The following TOX3 variants were observed in gnomAD, a reference collection of about 807,000 sequenced individuals.
The protein encoded by TOX3 is CAG trinucleotide repeat-containing gene F9 protein.
A neutral mutation model predicts 64.3 loss-of-function variants in TOX3; 22 were observed. That is an observed-to-expected ratio of 0.34 (90% CI 0.24 to 0.49). TOX3 has a LOEUF of 0.49. TOX3 is among the 20% of genes least tolerant of loss of function. TOX3 has a pLI of 0.99. For missense variants in TOX3, 661 were observed against 714.4 expected (o/e 0.93, Z 0.85); for synonymous variants, 291 against 273.6 (o/e 1.06, Z -0.63).
intron 5 of TOX3, 162 bp downstream of exon 5, chr16:52,445,832 T>A: frequency 1.5e-6 from 1 of 667,180 alleles, no homozygotes; most frequent in Non-Finnish European, 2.5e-6. Flanking sequence ...ACTGGAGAGT[T>A]GTTTAGATTT....
chr16:52,526,531 G>A (rs529440835), intron 1 of TOX3, among the ~76,000 whole-genome samples: 17 of 144,100 alleles, frequency 1.2e-4, no homozygotes, highest in African/African-American at 2.6e-4. Flanking sequence ...CCTTGAAATC[G>A]TTGGTCGGCA....
intron 1 of TOX3, among the ~76,000 whole-genome samples, chr16:52,509,340 G>T (rs1962241266): frequency 6.6e-6 from 1 of 152,134 alleles, no homozygotes; most frequent in African/African-American, 2.4e-5. Context: ...AAGTCTGTCA[G>T]TGTGCACTGT....
intron 3 of TOX3, among the ~76,000 whole-genome samples, chr16:52,463,479 C>CT (rs1024117426): frequency 7.2e-5 from 11 of 152,128 alleles, no homozygotes; most frequent in African/African-American, 1.7e-4. Flanking sequence ...TACTTTTTCC[C>CT]TTTTTTGGTA....
chr16:52,494,975 G>A (rs980811713), intron 1 of TOX3, among the ~76,000 whole-genome samples: 1 of 152,184 alleles, frequency 6.6e-6, no homozygotes, highest in Non-Finnish European at 1.5e-5. Context: ...ATGGAGAAGT[G>A]ACTCTCCTGA....
chr16:52,447,937 C>T (rs570678431), intron 4 of TOX3, among the ~76,000 whole-genome samples: 22 of 152,266 alleles, frequency 1.4e-4, no homozygotes, highest in African/African-American at 5.1e-4. Flanking sequence ...TGGCAAGTTG[C>T]TATTACTTTC....
chr16:52,460,466 A>T (rs1052637309), intron 3 of TOX3, among the ~76,000 whole-genome samples: 1 of 152,208 alleles, frequency 6.6e-6, no homozygotes, highest in African/African-American at 2.4e-5. Flanking sequence ...AAGAATGTTA[A>T]CAAGTTCAAT....
chr16:52,457,371 C>G (rs536077858), intron 3 of TOX3, among the ~76,000 whole-genome samples: 21 of 152,188 alleles, frequency 1.4e-4, no homozygotes, highest in African/African-American at 5.1e-4. Flanking sequence ...TTCTAATATG[C>G]AAATGTGTTT....
At position 52,436,861 on chromosome 16, in the gene TOX3, T is replaced by G. The variant is rs1017278786; in HGVS notation, c.*2364A>C. 6 of 152,252 alleles carry G rather than the reference T, an allele frequency of 3.9e-5. No individual in the cohort carries two copies. The highest frequency in any genetic ancestry group is 7.3e-5 in the Non-Finnish European group (5 of 68,046). The allele number at this position is 152,252 out of a possible 1,614,324, so 9.4% of individuals were successfully genotyped here. A position where few individuals can be genotyped will look rare whatever the true frequency, so the allele number is the denominator to read the frequency against. On this transcript the variant is annotated 3_prime_UTR_variant, in exon 7 of 7. Transcript: ENST00000219746. ...ACATTTTTTTCCAAGCAATACTTCA[T>G]GGGTTTTCAAAATGACAATTACAGA...
At chr16:52,459,523 T>C (rs2151752507) in intron 3 of TOX3, among the ~76,000 whole-genome samples, 1 of 152,296 alleles carries the variant, frequency 6.6e-6, no homozygotes, top group East Asian at 1.9e-4. Flanking sequence ...TGACCGTAAC[T>C]TGACCAAAAT....
intron 1 of TOX3, among the ~76,000 whole-genome samples, chr16:52,492,715 T>C (rs1420163681): frequency 6.7e-6 from 1 of 150,358 alleles, no homozygotes; most frequent in Non-Finnish European, 1.5e-5. Context: ...CCCAGCTGAG[T>C]TAGGGCTCCA....
chr16:52,536,845 CTG>C lies in TOX3; in HGVS notation c.87+9790_87+9791del, dbSNP rs917911860. On this transcript the variant is annotated intron_variant, in intron 1 of 6. Coordinates refer to ENST00000219746, the MANE Select transcript of TOX3 (RefSeq NM_001080430.4). ...GCTGGAAGTGCAGTGGTGTGTGTGT[CTG>C]TGTGTGTGTGTGTGTACATATATAT... Among the ~76,000 whole-genome samples, 146 of 146,818 alleles carry C rather than the reference CTG, an allele frequency of 9.9e-4. 2 individuals are homozygous for C. The East Asian group carries it at 0.011, about 11-fold the overall frequency.
chr16:52,476,063 G>T (rs1212840754), intron 1 of TOX3, among the ~76,000 whole-genome samples: 1 of 152,256 alleles, frequency 6.6e-6, no homozygotes, highest in East Asian at 1.9e-4. Context: ...AGCAATGAAG[G>T]CTTGGCACGC....
rs1959799463 is a variant in TOX3 at position 52,437,938 on chromosome 16, T to G, written c.*1287A>C. The G allele has an allele frequency of 2.0e-5, 3 of 152,602 alleles. No individual in the cohort carries two copies. Among genetic ancestry groups the G allele is most frequent in the Non-Finnish European group, 4.4e-5 (3 of 68,030 alleles). 9.5% of individuals were successfully genotyped at this position (152,602 alleles called of 1,614,324 possible). The stretch of plus-strand genomic sequence containing the variant: ...CCAATTGAAAAATGGAAGATGATGT[T>G]TGGGCTAAAACGAAACTTGGTATGT... On this transcript the variant is annotated 3_prime_UTR_variant, in exon 7 of 7. Transcript: ENST00000219746.
chr16:52,522,796 G>A (rs1962638910), intron 1 of TOX3, among the ~76,000 whole-genome samples: 2 of 152,174 alleles, frequency 1.3e-5, no homozygotes, highest in African/African-American at 4.8e-5. Flanking sequence ...CTGTTTCCAA[G>A]TACCATGAGA....
chr16:52,494,395 T>C (rs9939506), intron 1 of TOX3, among the ~76,000 whole-genome samples: 42,222 of 152,116 alleles, frequency 0.28, 6,108 homozygotes, highest in South Asian at 0.39. Context: ...CCTGGGTCCC[T>C]CCTCCACTGC....
At chr16:52,539,723 T>C (rs1963034318) in intron 1 of TOX3, among the ~76,000 whole-genome samples, 1 of 152,192 alleles carries the variant, frequency 6.6e-6, no homozygotes, top group Admixed American at 6.5e-5. Context: ...TGTGAGAATA[T>C]ACCACTGAAA....
intron 1 of TOX3, among the ~76,000 whole-genome samples, chr16:52,494,981 C>T (rs1961801533): frequency 6.6e-6 from 1 of 152,184 alleles, no homozygotes; most frequent in South Asian, 2.1e-4. Flanking sequence ...AAGTGACTCT[C>T]CTGAAACAGG....
In TOX3 at chr16:52,438,907, T is replaced by C. The variant is rs1959836125; in HGVS notation, c.*318A>G. 1 of 543,378 alleles carries C rather than the reference T, an allele frequency of 1.8e-6. No homozygotes were observed. The highest frequency in any genetic ancestry group is 1.4e-5 in the South Asian group (1 of 71,582). 33.7% of individuals were successfully genotyped at this position (543,378 alleles called of 1,614,324 possible). ...TCTATGACTCAGAGAGGCCAGTTTA[T>C]AGTCATCAGTATGTCCCAGGATTCA... On this transcript the variant is annotated 3_prime_UTR_variant, in exon 7 of 7. Coordinates refer to ENST00000219746, the MANE Select transcript of TOX3 (RefSeq NM_001080430.4).
chr16:52,461,808 G>A (rs9933242), intron 3 of TOX3, among the ~76,000 whole-genome samples: 81,740 of 151,942 alleles, frequency 0.54, 22,350 homozygotes, highest in East Asian at 0.78. Flanking sequence ...CTTCTGTGGA[G>A]TGTTATGATG....
Sources: gnomAD v4.1 joint callset for allele counts (sites outside exome capture counted in the v4.1 genomes callset) on GRCh38, gnomAD v4.1.1 for gene constraint, MANE v1.5 for transcripts, NCBI Gene and HGNC (gene_info 2026-07-23, HGNC 2026-07-21) for gene names.